Variants in AP2S1 observed in about 807,000 individuals in gnomAD.
The protein encoded by AP2S1 is adaptor related protein complex 2 subunit sigma 1, also known as AP-2 complex subunit sigma.
In AP2S1, 6 loss-of-function variants were observed where a neutral mutation model predicts 21.0. That is an observed-to-expected ratio of 0.29 (90% CI 0.16 to 0.56). AP2S1 has a LOEUF of 0.56. Ranked by LOEUF, AP2S1 falls within the 20% of genes least tolerant of loss-of-function variation. The pLI is 0.92. For missense variants in AP2S1, 60 were observed against 186.2 expected (o/e 0.32, Z 3.95); for synonymous variants, 63 against 74.6 (o/e 0.84, Z 0.80).
At chr19:46,844,674 C>G (rs1170836603) in intron 2 of AP2S1, among the ~76,000 whole-genome samples, 1 of 152,132 alleles carries the variant, frequency 6.6e-6, no homozygotes, top group Non-Finnish European at 1.5e-5. Context: ...AGTGCACAAG[C>G]CTGTAGTCCC....
At chr19:46,849,105 A>C (rs1038820170) in intron 1 of AP2S1, among the ~76,000 whole-genome samples, 1 of 148,724 alleles carries the variant, frequency 6.7e-6, no homozygotes, top group African/African-American at 2.5e-5. Context: ...TCCCGGGTTC[A>C]AGCGATTCTC....
At chr19:46,841,990 A>G (rs1216322812) in intron 2 of AP2S1, among the ~76,000 whole-genome samples, 3 of 152,240 alleles carry the variant, frequency 2.0e-5, no homozygotes, top group African/African-American at 7.2e-5. Context: ...AGAGCAGTTT[A>G]GGCAACATAT....
chr19:46,842,062 TC>T (rs978093474), intron 2 of AP2S1, among the ~76,000 whole-genome samples: 2 of 152,098 alleles, frequency 1.3e-5, no homozygotes, highest in African/African-American at 4.8e-5. Context: ...GTCCCTGTAG[TC>T]CCAGCTACTC....
chr19:46,845,976 C>T lies in AP2S1; in HGVS notation c.153+17G>A, dbSNP rs1407800358. On this transcript the variant is annotated intron_variant, in intron 2 of 4. Coordinates refer to ENST00000263270, the MANE Select transcript of AP2S1 (RefSeq NM_004069.6). ...CGAGGAAGCAGCGGGGTGCAGGAGG[C>T]ATGGAGCGGGCGTCACCTCCACAAA... 1 of 1,613,816 alleles carries T rather than the reference C, an allele frequency of 6.2e-7. No homozygotes were observed. Among genetic ancestry groups the T allele is most frequent in the Admixed American group, 1.7e-5 (1 of 59,992 alleles).
rs1377509382 is a variant in AP2S1, at chr19:46,838,666, G to A, written c.327+74C>T. Reference sequence around the variant, plus strand: ...ACACAGACCTCAGCAGAGGCTCCGGGTGGCTAGTGCACCACGGGTCCCCCC... The same window carrying A: ...ACACAGACCTCAGCAGAGGCTCCGGATGGCTAGTGCACCACGGGTCCCCCC... On this transcript the variant is annotated intron_variant, in intron 4 of 4. Transcript: ENST00000263270. The surrounding 1 kb of genome is among the most constrained non-coding windows in gnomAD (Gnocchi z 4.1). The A allele has an allele frequency of 2.6e-5, 41 of 1,575,594 alleles. No individual in the cohort carries two copies. The highest frequency in any genetic ancestry group is 3.4e-5 in the Non-Finnish European group (39 of 1,146,452).
rs116743544 is a variant in AP2S1, at chr19:46,839,822, C to A, written c.154-244G>T. Among the ~76,000 whole-genome samples, 37,663 of 146,184 alleles carry A rather than the reference C, an allele frequency of 0.26. 4,893 individuals are homozygous for A. Among genetic ancestry groups the A allele is most frequent in the African/African-American group, 0.31 (11,658 of 38,184 alleles). On this transcript the variant is annotated intron_variant, in intron 2 of 4. Coordinates refer to ENST00000263270, the MANE Select transcript of AP2S1 (RefSeq NM_004069.6). ...AGAGCCCAAAGAGGGTGCCTAACCC[C>A]CTCTGATCCTGGAGAGTCAGGAGGG...
intron 2 of AP2S1, among the ~76,000 whole-genome samples, chr19:46,840,708 T>A (rs986977648): frequency 6.8e-6 from 1 of 147,052 alleles, no homozygotes; most frequent in Admixed American, 7.0e-5. Flanking sequence ...AGTGCCAGCA[T>A]CAGTCTTCGG....
chr19:46,848,367 G>A (rs1255270975), intron 1 of AP2S1, among the ~76,000 whole-genome samples: 3 of 152,132 alleles, frequency 2.0e-5, no homozygotes, highest in African/African-American at 4.8e-5. Context: ...GTGACAGAGC[G>A]AGACGCTGTC....
At chr19:46,847,295 G>A (rs540582135) in intron 1 of AP2S1, among the ~76,000 whole-genome samples, 33 of 150,710 alleles carry the variant, frequency 2.2e-4, no homozygotes, top group South Asian at 1.5e-3. Context: ...GTGCAGTGGC[G>A]CGATCCCGCC....
intron 2 of AP2S1, among the ~76,000 whole-genome samples, chr19:46,844,222 C>CG (rs2055579314): frequency 6.6e-6 from 1 of 151,938 alleles, no homozygotes; most frequent in Non-Finnish European, 1.5e-5. Context: ...AACTTTTCTA[C>CG]GGCTCCCATC....
chr19:46,847,730 C>T (rs143024543), intron 1 of AP2S1, among the ~76,000 whole-genome samples: 63 of 152,250 alleles, frequency 4.1e-4, no homozygotes, highest in Non-Finnish European at 5.9e-4. Context: ...CTTCACTCAG[C>T]GTGACGTTTT....
At chr19:46,840,367 C>CA (rs60907407) in intron 2 of AP2S1, among the ~76,000 whole-genome samples, 1,053 of 100,390 alleles carry the variant, frequency 0.01, 22 homozygotes, top group East Asian at 0.026. Context: ...AGGTTCATTA[C>CA]AAAAAAAAAA....
Position 46,846,101 on chromosome 19 carries a change from G to A in AP2S1, c.45C>T (p.Arg15=). The A allele has an allele frequency of 6.2e-7, 1 of 1,614,130 alleles. No individual in the cohort carries two copies. The highest frequency in any genetic ancestry group is 2.2e-5 in the East Asian group (1 of 44,876). Reference sequence around the variant, plus strand: ...CAAACTGCATGTACCACTTGGCCAGGCGCGTCTTGCCTGCCCGGTTCTGGA... The same window carrying A: ...CAAACTGCATGTACCACTTGGCCAGACGCGTCTTGCCTGCCCGGTTCTGGA... ...ILIQNRAGKT[R]LAKWYMQFDD... Residue 15 remains arginine (R), a synonymous_variant, in exon 2 of 5, where the codon CGC becomes CGT. Coordinates refer to ENST00000263270, the MANE Select transcript of AP2S1 (RefSeq NM_004069.6).
intron 2 of AP2S1, among the ~76,000 whole-genome samples, chr19:46,844,143 T>G (rs568117732): frequency 3.9e-4 from 59 of 152,130 alleles, no homozygotes; most frequent in African/African-American, 1.4e-3. Flanking sequence ...GACCTTGTGA[T>G]CCACCCACCT....
rs187585696 is a variant in AP2S1 at position 46,845,314 on chromosome 19, G to C, written c.153+679C>G. On this transcript the variant is annotated intron_variant, in intron 2 of 4. Coordinates refer to ENST00000263270, the MANE Select transcript of AP2S1 (RefSeq NM_004069.6). ...CCAGCTATTTGGGAGGCTGAGGCAG[G>C]AGAATTGCTTGAACCTGGGAGGTGG... 4.1e-3 allele frequency among the ~76,000 whole-genome samples: 626 copies of C among 151,328 alleles called. 2 individuals carry two copies. The highest frequency in any genetic ancestry group is 3.9e-3 in the Non-Finnish European group (266 of 67,852).
chr19:46,839,645 C>G, intron 2 of AP2S1, 67 bp from the exon 3 acceptor site: 1 of 1,609,378 alleles, frequency 6.2e-7, no homozygotes. Flanking sequence ...AGAGTGGGGC[C>G]AAAACATTCA....
rs1340246196 is a variant in AP2S1, at chr19:46,839,584, G to C, written c.154-6C>G. On this transcript the variant is annotated splice_polypyrimidine_tract_variant and splice_region_variant and intron_variant, in intron 2 of 4. Transcript: ENST00000263270. ...ATGATCTTAAAGTTCCGGAACTGCA[G>C]AACAGAGAGGCTGTCAGCAACGGAG... 3 of 1,614,068 alleles carry C rather than the reference G, an allele frequency of 1.9e-6. No individual in the cohort carries two copies. Among genetic ancestry groups the C allele is most frequent in the South Asian group, 1.1e-5 (1 of 91,084 alleles).
chr19:46,847,889 G>A (rs1035606361), intron 1 of AP2S1, among the ~76,000 whole-genome samples: 4 of 152,116 alleles, frequency 2.6e-5, no homozygotes, highest in African/African-American at 7.2e-5. Context: ...ATGAACATTC[G>A]TGTATGAGTT....
intron 2 of AP2S1, among the ~76,000 whole-genome samples, chr19:46,844,094 A>G (rs1363499555): frequency 2.6e-5 from 4 of 152,012 alleles, no homozygotes; most frequent in African/African-American, 9.7e-5. Context: ...TATTTTTAGT[A>G]GAGACGAGAT....
Sources: gnomAD v4.1 joint callset for allele counts (sites outside exome capture counted in the v4.1 genomes callset) on GRCh38, gnomAD v4.1.1 for gene constraint, Gnocchi (gnomAD v3.1) non-coding constraint, MANE v1.5 for transcripts, NCBI Gene and HGNC (gene_info 2026-07-23, HGNC 2026-07-21) for gene names.